The following TAF4 variants were observed in gnomAD, a reference collection of about 807,000 sequenced individuals.
TAF4 encodes the protein transcription initiation factor TFIID subunit 4.
Under a neutral mutation model 90.3 loss-of-function variants are expected in TAF4, and 9 were observed. That is an observed-to-expected ratio of 0.10 (90% confidence interval 0.06 to 0.17). TAF4 has a LOEUF of 0.17. Among genes scored for constraint, TAF4 ranks in the 10% least tolerant of loss-of-function variants. The pLI is 1.00. For missense variants in TAF4, 1,351 were observed against 1,370.7 expected (o/e 0.99, Z 0.23); for synonymous variants, 818 against 638.9 (o/e 1.28, Z -4.23).
intron 9 of TAF4, 96 bp from the exon 10 acceptor site, chr20:62,000,817 G>A (rs2055695521): frequency 1.4e-6 from 2 of 1,382,244 alleles, no homozygotes; most frequent in African/African-American, 1.4e-5. Flanking sequence ...GTGGAAGGCA[G>A]GGCCGTGAGG....
intron 2 of TAF4, among the ~76,000 whole-genome samples, chr20:62,014,034 G>A (rs1007932752): frequency 2.1e-5 from 3 of 145,752 alleles, no homozygotes; most frequent in Non-Finnish European, 4.5e-5. Flanking sequence ...GTGTGTGTGT[G>A]TGTGTGTGTG....
At chr20:62,014,024 GT>G (rs2055797396) in intron 2 of TAF4, among the ~76,000 whole-genome samples, 2 of 91,238 alleles carry the variant, frequency 2.2e-5, no homozygotes, top group African/African-American at 4.4e-5. Flanking sequence ...GTGTGGGTGT[GT>G]GTGTGTGTGT....
Position 61,975,763 on chromosome 20 carries a change from A to G in TAF4, c.*405T>C, listed in dbSNP as rs561545808. Reference sequence around the variant, plus strand: ...TGCCAACTGACTATTACAAAAATAAAATAAACGAAATGAGGTCATCGGCTG... The same window carrying G: ...TGCCAACTGACTATTACAAAAATAAGATAAACGAAATGAGGTCATCGGCTG... On this transcript the variant is annotated 3_prime_UTR_variant, in exon 15 of 15. Coordinates refer to ENST00000252996, the MANE Select transcript of TAF4 (RefSeq NM_003185.4). 4.8e-5 allele frequency: 8 copies of G among 165,976 alleles called. No homozygotes were observed. In the South Asian group the frequency reaches 1.3e-3, roughly 27 times the overall value. 10.3% of individuals were successfully genotyped at this position (165,976 alleles called of 1,614,324 possible). A position where few individuals can be genotyped will look rare whatever the true frequency, so the allele number is the denominator to read the frequency against.
chr20:62,036,910 C>T (rs936528453), intron 1 of TAF4, among the ~76,000 whole-genome samples: 6 of 152,190 alleles, frequency 3.9e-5, no homozygotes, highest in African/African-American at 1.4e-4. Context: ...TATGAAAGAG[C>T]CTGTCCCACA....
chr20:62,062,187 A>ATT (rs1391228601), intron 1 of TAF4, among the ~76,000 whole-genome samples: 3 of 152,244 alleles, frequency 2.0e-5, no homozygotes, highest in Admixed American at 6.5e-5. Context: ...AGCAAGAGTT[A>ATT]TTTTTATAAG....
At chr20:62,055,221 G>A (rs1452385290) in intron 1 of TAF4, among the ~76,000 whole-genome samples, 17 of 149,104 alleles carry the variant, frequency 1.1e-4, no homozygotes, top group East Asian at 4.0e-4. Flanking sequence ...CGCTGCCTGC[G>A]GGCAGTCCTG....
intron 14 of TAF4, among the ~76,000 whole-genome samples, chr20:61,992,965 C>G (rs2055640741): frequency 6.6e-6 from 1 of 152,148 alleles, no homozygotes; most frequent in Non-Finnish European, 1.5e-5. Context: ...AAACAACACA[C>G]TAAAACGTAA....
chr20:62,065,593 G>A lies in TAF4; in HGVS notation c.218C>T (p.Ala73Val). 2.0e-6 allele frequency: 2 copies of A among 985,236 alleles called. No homozygotes were observed. Among genetic ancestry groups the A allele is most frequent in the South Asian group, 4.6e-5 (1 of 21,912 alleles). The allele number at this position is 985,236 out of a possible 1,614,324, so 61.0% of individuals were successfully genotyped here. Reference protein sequence around the residue: ...VSGSPAGAAGAGPAAPAEGAP... With the variant: ...VSGSPAGAAGVGPAAPAEGAP... ...GCCCTCGGCGGGGGCGGCCGGCCCT[G>A]CGCCCGCGGCTCCGGCCGGGCTGCC... is the stretch of plus-strand genomic sequence containing the variant. The change falls in exon 1 of 15, where the codon GCA becomes GTA. Residue 73 changes from alanine (A) to valine (V), a missense_variant. Physicochemically the swap from Ala to Val is moderately conservative, Grantham distance 64. Coordinates refer to ENST00000252996, the MANE Select transcript of TAF4 (RefSeq NM_003185.4).
chr20:61,980,509 G>C (rs142222244), intron 14 of TAF4: 2 of 152,352 alleles, frequency 1.3e-5, no homozygotes, highest in African/African-American at 4.8e-5. Context: ...GAACGCGTAC[G>C]TGCCCTCTCC....
rs533698399 is a variant in TAF4, at chr20:62,006,458, G to A, written c.2223+52C>T. The stretch of plus-strand genomic sequence containing the variant: ...TGGCCAATTTATCTAAGAAGCGGGC[G>A]GGAGCAGAGGCACGGTGGGCTGTGC... On this transcript the variant is annotated intron_variant, in intron 7 of 14. Coordinates refer to ENST00000252996, the MANE Select transcript of TAF4 (RefSeq NM_003185.4). The surrounding 1 kb of genome is among the most constrained non-coding windows in gnomAD (Gnocchi z 7.0). The A allele has an allele frequency of 4.4e-5, 60 of 1,363,504 alleles. No individual in the cohort carries two copies. The East Asian group carries it at 8.3e-4, about 19-fold the overall frequency. The allele number at this position is 1,363,504 out of a possible 1,614,324, so 84.5% of individuals were successfully genotyped here. A position where few individuals can be genotyped will look rare whatever the true frequency, so the allele number is the denominator to read the frequency against.
At chr20:62,039,557 G>A (rs2055952359) in intron 1 of TAF4, among the ~76,000 whole-genome samples, 1 of 152,128 alleles carries the variant, frequency 6.6e-6, no homozygotes, top group Admixed American at 6.5e-5. Context: ...TGACTCACTG[G>A]ATTTATTTAA....
intron 1 of TAF4, among the ~76,000 whole-genome samples, chr20:62,035,355 G>T (rs1039874274): frequency 2.6e-5 from 4 of 152,204 alleles, no homozygotes; most frequent in African/African-American, 7.2e-5. Flanking sequence ...ACTGATGAAA[G>T]GACAGACAGA....
intron 1 of TAF4, among the ~76,000 whole-genome samples, chr20:62,035,110 G>A (rs899528730): frequency 6.6e-6 from 1 of 152,070 alleles, no homozygotes; most frequent in African/African-American, 2.4e-5. Context: ...GTGAGCCACC[G>A]CACCCGGCCC....
chr20:61,976,482 G>T, intron 14 of TAF4, 147 bp from the exon 15 acceptor site: 1 of 936,828 alleles, frequency 1.1e-6, no homozygotes, highest in South Asian at 1.6e-5. Flanking sequence ...GCTGGAGCTG[G>T]GGTGCTGTCC....
At chr20:61,998,785 C>G (rs1037121802) in intron 12 of TAF4, among the ~76,000 whole-genome samples, 198 bp downstream of exon 12, 1 of 152,214 alleles carries the variant, frequency 6.6e-6, no homozygotes, top group Non-Finnish European at 1.5e-5. Context: ...TAAGAAGCCC[C>G]GCTTTTCAAG....
rs2056128057 is a variant in TAF4, at chr20:62,065,800, C to T, written c.11G>A (p.Gly4Asp). ...GAAGACCTCGTCCAGCAGATCCGAG[C>T]CCGCCGCCATCTTTTTTCCTCGGCC... is the stretch of plus-strand genomic sequence containing the variant. MAA[G>D]SDLLDEVFFN... Residue 4 changes from glycine to aspartate, a missense_variant, in exon 1 of 15, where the codon GGC (glycine) becomes GAC (aspartate). By Grantham distance (94) the Gly-to-Asp change is moderately conservative. Coordinates refer to ENST00000252996, the MANE Select transcript of TAF4 (RefSeq NM_003185.4). 7.7e-7 allele frequency: 1 copy of T among 1,306,554 alleles called. No homozygotes were observed. Among genetic ancestry groups the T allele is most frequent in the Non-Finnish European group, 9.9e-7 (1 of 1,006,780 alleles). The allele number at this position is 1,306,554 out of a possible 1,614,324, so 80.9% of individuals were successfully genotyped here.
rs543650377 is a variant in TAF4, at chr20:61,998,615, GTCTGAT to G, written c.2913+362_2913+367del. On this transcript the variant is annotated intron_variant, in intron 12 of 14. Transcript: ENST00000252996. ...CGTCCCTGGGGAACTGTGGTCTCCT[GTCTGAT>G]TCTATTAATGAGCAGTGCCTCGCCT... Among the ~76,000 whole-genome samples, 12 of 152,306 alleles carry G rather than the reference GTCTGAT, an allele frequency of 7.9e-5. No homozygotes were observed. In the South Asian group the frequency reaches 1.5e-3, roughly 18 times the overall value.
At chr20:61,995,869 C>CA (rs969175865) in intron 14 of TAF4, among the ~76,000 whole-genome samples, 198 of 4,440 alleles carry the variant, frequency 0.045, 38 homozygotes, top group East Asian at 0.068. Context: ...GACTCCGTCT[C>CA]AAAAAAAAAA....
intron 5 of TAF4, among the ~76,000 whole-genome samples, chr20:62,008,516 T>C (rs1044298704): frequency 5.5e-5 from 7 of 128,352 alleles, no homozygotes; most frequent in African/African-American, 2.1e-4. Flanking sequence ...GGGGACAGAG[T>C]GCTGTTCTCT....
Sources: gnomAD v4.1 joint callset for allele counts (sites outside exome capture counted in the v4.1 genomes callset) on GRCh38, gnomAD v4.1.1 for gene constraint, Gnocchi (gnomAD v3.1) non-coding constraint, MANE v1.5 for transcripts, NCBI Gene and HGNC (gene_info 2026-07-23, HGNC 2026-07-21) for gene names.